VAT1L: variants seen among roughly 807,000 people sequenced by gnomAD.
The protein encoded by VAT1L is putative NADPH-dependent quinone oxidoreductase VAT1L.
Under a neutral mutation model 44.1 loss-of-function variants are expected in VAT1L, and 34 were observed. That is an observed-to-expected ratio of 0.77 (90% CI 0.59 to 1.03). VAT1L has a LOEUF of 1.03. Among genes scored for constraint, VAT1L ranks in the 50% least tolerant of loss-of-function variants. The pLI is 0.00. For missense variants in VAT1L, 615 were observed against 538.8 expected, an observed-to-expected ratio of 1.14 and a Z score of -1.40; for synonymous variants, 253 against 202.2, an observed-to-expected ratio of 1.25 and a Z score of -2.13.
At position 77,904,643 on chromosome 16, in the gene VAT1L, G is replaced by A. The variant is rs2142479384; in HGVS notation, c.1077+19841G>A. 2.6e-5 allele frequency among the ~76,000 whole-genome samples: 4 copies of A among 152,292 alleles called. No individual in the cohort carries two copies. In the South Asian group the frequency reaches 8.3e-4, roughly 32 times the overall value. On this transcript the variant is annotated intron_variant, in intron 7 of 8. Transcript: ENST00000302536. ...ACTCTAACCATTGCATTGGGGTTCA[G>A]GGCTTAAACGTGAAATTAGGGAGAA...
Position 77,881,443 on chromosome 16 carries a change from A to G in VAT1L, c.882+2219A>G, listed in dbSNP as rs138165936. ...ATAAATGGCTATTAAACCTCTGAAGAGGATAAAAATCAAGTGCTAAAATAG... is the reference window on the plus strand; with the variant it reads ...ATAAATGGCTATTAAACCTCTGAAGGGGATAAAAATCAAGTGCTAAAATAG... On this transcript the variant is annotated intron_variant, in intron 6 of 8. Coordinates refer to ENST00000302536, the MANE Select transcript of VAT1L (RefSeq NM_020927.3). Among the ~76,000 whole-genome samples, 608 of 152,358 alleles carry G rather than the reference A, an allele frequency of 4.0e-3. 4 individuals are homozygous for G. The highest frequency in any genetic ancestry group is 0.014 in the African/African-American group (577 of 41,592).
intron 7 of VAT1L, among the ~76,000 whole-genome samples, chr16:77,909,572 G>A (rs1469158825): frequency 6.7e-6 from 1 of 150,014 alleles, no homozygotes; most frequent in African/African-American, 2.5e-5. Context: ...AAGAGGCAGA[G>A]GTTGCAGTGA....
chr16:77,875,892 A>C (rs1398440363), intron 4 of VAT1L, among the ~76,000 whole-genome samples: 1 of 152,206 alleles, frequency 6.6e-6, no homozygotes, highest in Admixed American at 6.5e-5. Flanking sequence ...GAAGACAGGG[A>C]GAACACTGGT....
chr16:77,849,611 T>C (rs570349843), intron 3 of VAT1L, among the ~76,000 whole-genome samples: 12 of 152,256 alleles, frequency 7.9e-5, no homozygotes, highest in African/African-American at 2.6e-4. Context: ...CAGCGGGACA[T>C]AGAGCTTTGA....
intron 7 of VAT1L, among the ~76,000 whole-genome samples, chr16:77,942,732 GTTGTTTT>G (rs112291577): frequency 9.8e-4 from 149 of 152,106 alleles, no homozygotes; most frequent in African/African-American, 3.4e-3. Context: ...TGTTGTTGTT[GTTGTTTT>G]TTGTTTTTTG....
intron 7 of VAT1L, among the ~76,000 whole-genome samples, chr16:77,906,461 G>A (rs891867272): frequency 1.3e-5 from 2 of 152,174 alleles, no homozygotes; most frequent in African/African-American, 4.8e-5. Context: ...CTTAGTTTGG[G>A]ATCGCCTCAA....
chr16:77,878,232 C>A (rs144607061), intron 5 of VAT1L, among the ~76,000 whole-genome samples: 10 of 152,246 alleles, frequency 6.6e-5, no homozygotes, highest in Admixed American at 6.5e-4. Context: ...TTGCAGTCTT[C>A]GGCATTAAAA....
At chr16:77,940,497 C>A (rs1273608758) in intron 7 of VAT1L, among the ~76,000 whole-genome samples, 1 of 151,920 alleles carries the variant, frequency 6.6e-6, no homozygotes, top group Non-Finnish European at 1.5e-5. Context: ...GCACGTGCTA[C>A]CATGCCTGGG....
intron 4 of VAT1L, among the ~76,000 whole-genome samples, chr16:77,864,967 C>CTTTTTTT (rs869037679): frequency 1.0e-4 from 10 of 95,382 alleles, no homozygotes; most frequent in African/African-American, 2.7e-4. Context: ...TCTTCTTATC[C>CTTTTTTT]TTTTTTTTTT....
chr16:77,959,592 A>G (rs1412560797), intron 7 of VAT1L, among the ~76,000 whole-genome samples: 1 of 151,848 alleles, frequency 6.6e-6, no homozygotes, highest in Non-Finnish European at 1.5e-5. Flanking sequence ...CCCCCTTTTT[A>G]CACGGATATG....
At chr16:77,859,713 A>G (rs2016896707) in intron 3 of VAT1L, among the ~76,000 whole-genome samples, 1 of 152,164 alleles carries the variant, frequency 6.6e-6, no homozygotes, top group Non-Finnish European at 1.5e-5. Context: ...TCGAGGACAA[A>G]GAGATAACAC....
chr16:77,968,430 A>T (rs1329548454), intron 7 of VAT1L, among the ~76,000 whole-genome samples: 2 of 152,214 alleles, frequency 1.3e-5, no homozygotes, highest in South Asian at 2.1e-4. Context: ...AATGAAGAAT[A>T]AAAAAAGAGC....
At chr16:77,933,866 A>T (rs1345450386) in intron 7 of VAT1L, among the ~76,000 whole-genome samples, 2 of 152,234 alleles carry the variant, frequency 1.3e-5, no homozygotes. Flanking sequence ...TCAGAGAAGT[A>T]AGCAGATGGT....
intron 7 of VAT1L, among the ~76,000 whole-genome samples, chr16:77,915,065 C>T (rs1011293888): frequency 1.3e-5 from 2 of 151,806 alleles, no homozygotes; most frequent in African/African-American, 4.8e-5. Flanking sequence ...GCGGAGGTTG[C>T]GGTGAGCCGA....
chr16:77,906,085 G>C (rs2017433772), intron 7 of VAT1L, among the ~76,000 whole-genome samples: 1 of 152,134 alleles, frequency 6.6e-6, no homozygotes, highest in East Asian at 1.9e-4. Context: ...TGAATTAATG[G>C]TTCTTCCCAG....
intron 3 of VAT1L, among the ~76,000 whole-genome samples, chr16:77,856,784 C>A (rs182142666): frequency 1.3e-3 from 201 of 152,210 alleles, no homozygotes; most frequent in African/African-American, 4.6e-3. Context: ...ATGGCAAAGA[C>A]CCGAAGTTGT....
At chr16:77,792,149 G>A (rs374237680) in intron 1 of VAT1L, among the ~76,000 whole-genome samples, 1 of 152,150 alleles carries the variant, frequency 6.6e-6, no homozygotes, top group African/African-American at 2.4e-5. Context: ...AGACACTGCC[G>A]CGTTGTCAGC....
At chr16:77,907,902 G>A (rs544472230) in intron 7 of VAT1L, among the ~76,000 whole-genome samples, 1 of 152,132 alleles carries the variant, frequency 6.6e-6, no homozygotes, top group East Asian at 1.9e-4. Flanking sequence ...AAAGCAGAGA[G>A]TAGCAGTGAA....
At chr16:77,881,914 C>T (rs999621063) in intron 6 of VAT1L, among the ~76,000 whole-genome samples, 1 of 152,220 alleles carries the variant, frequency 6.6e-6, no homozygotes, top group Non-Finnish European at 1.5e-5. Flanking sequence ...TTCCCTTTCT[C>T]CTCTAAATGC....
Sources: gnomAD v4.1 joint callset for allele counts (sites outside exome capture counted in the v4.1 genomes callset) on GRCh38, gnomAD v4.1.1 for gene constraint, MANE v1.5 for transcripts, NCBI Gene and HGNC (gene_info 2026-07-23, HGNC 2026-07-21) for gene names.